MAN2A1: variants seen among roughly 807,000 people sequenced by gnomAD.
MAN2A1 encodes the protein mannosidase alpha class 2A member 1, also known as alpha-mannosidase 2.
A neutral mutation model predicts 142.6 loss-of-function variants in MAN2A1; 76 were observed. That is an observed-to-expected ratio of 0.53 (90% confidence interval 0.44 to 0.65). MAN2A1 has a LOEUF of 0.65. MAN2A1 is among the 30% of genes least tolerant of loss of function. MAN2A1 has a pLI of 0.00. For synonymous variants in MAN2A1, 559 were observed against 473.2 expected (o/e 1.18, Z -2.35); for missense variants, 1,311 against 1,365.1 (o/e 0.96, Z 0.62).
intron 1 of MAN2A1, among the ~76,000 whole-genome samples, chr5:109,711,321 A>T (rs1348195137): frequency 6.6e-6 from 1 of 152,206 alleles, no homozygotes; most frequent in Non-Finnish European, 1.5e-5. Context: ...TATTCAACAG[A>T]ATCTATCAGA....
intron 5 of MAN2A1, among the ~76,000 whole-genome samples, chr5:109,757,993 T>C (rs1752735175): frequency 6.6e-6 from 1 of 152,188 alleles, no homozygotes; most frequent in South Asian, 2.1e-4. Context: ...TGAATAATGC[T>C]GTTATACACA....
At chr5:109,704,555 T>C (rs1370928990) in intron 1 of MAN2A1, among the ~76,000 whole-genome samples, 1 of 152,088 alleles carries the variant, frequency 6.6e-6, no homozygotes, top group Non-Finnish European at 1.5e-5. Flanking sequence ...CAGTTCACAC[T>C]CTTTTTGGCC....
intron 2 of MAN2A1, among the ~76,000 whole-genome samples, chr5:109,714,050 G>C (rs909011993): frequency 4.0e-5 from 6 of 151,786 alleles, no homozygotes; most frequent in Non-Finnish European, 8.8e-5. Flanking sequence ...TGTAATAGTT[G>C]AAAACCTTTA....
chr5:109,761,654 T>A (rs192007198), intron 5 of MAN2A1, among the ~76,000 whole-genome samples: 3 of 152,232 alleles, frequency 2.0e-5, no homozygotes, highest in African/African-American at 7.2e-5. Context: ...ACTACATTTG[T>A]ATTTTTTTTA....
intron 16 of MAN2A1, among the ~76,000 whole-genome samples, chr5:109,827,183 G>A (rs78846627): frequency 0.019 from 2,828 of 152,240 alleles, 34 homozygotes; most frequent in Middle Eastern, 0.071. Context: ...AATGTTTTAT[G>A]ATTACATACT....
At chr5:109,737,380 C>G (rs528651385) in intron 4 of MAN2A1, among the ~76,000 whole-genome samples, 1 of 152,048 alleles carries the variant, frequency 6.6e-6, no homozygotes, top group South Asian at 2.1e-4. Context: ...TCCCAAAGTT[C>G]TGGGATCACA....
At chr5:109,835,605 A>T (rs958756391) in intron 16 of MAN2A1, among the ~76,000 whole-genome samples, 12 of 152,118 alleles carry the variant, frequency 7.9e-5, no homozygotes, top group Admixed American at 2.6e-4. Flanking sequence ...TCTTGATCTA[A>T]TGAGTTGTCC....
At chr5:109,828,468 A>G (rs969558997) in intron 16 of MAN2A1, among the ~76,000 whole-genome samples, 1 of 152,202 alleles carries the variant, frequency 6.6e-6, no homozygotes, top group Non-Finnish European at 1.5e-5. Context: ...CAATAATATA[A>G]TACCAATAAG....
intron 8 of MAN2A1, among the ~76,000 whole-genome samples, chr5:109,776,078 T>C (rs977386039): frequency 1.3e-5 from 2 of 151,990 alleles, no homozygotes; most frequent in African/African-American, 4.8e-5. Context: ...TCTTTTTTTT[T>C]TTTTTCTTTT....
intron 17 of MAN2A1, 29 bp downstream of exon 17, chr5:109,842,490 A>G (rs1026087040): frequency 2.1e-6 from 3 of 1,461,804 alleles, no homozygotes; most frequent in East Asian, 2.3e-5. Flanking sequence ...TGTTTAAGTA[A>G]TGGTTGTATT....
intron 4 of MAN2A1, among the ~76,000 whole-genome samples, chr5:109,735,027 C>T (rs1436051684): frequency 3.3e-5 from 5 of 152,146 alleles, no homozygotes; most frequent in African/African-American, 4.8e-5. Flanking sequence ...ATAGGTCACT[C>T]ATGACTTGCT....
intron 4 of MAN2A1, among the ~76,000 whole-genome samples, chr5:109,734,548 C>G (rs961424924): frequency 6.6e-6 from 1 of 152,100 alleles, no homozygotes; most frequent in African/African-American, 2.4e-5. Context: ...TTGAATGTGT[C>G]CCAGAGATTC....
At chr5:109,770,263 G>A (rs1015084269) in intron 6 of MAN2A1, 92 bp from the exon 7 acceptor site, 5 of 1,167,410 alleles carry the variant, frequency 4.3e-6, no homozygotes, top group South Asian at 2.8e-5. Context: ...AGCTAAATCA[G>A]CATTACTTTG....
At chr5:109,793,723 C>A (rs1452631869) in intron 12 of MAN2A1, among the ~76,000 whole-genome samples, 1 of 152,164 alleles carries the variant, frequency 6.6e-6, no homozygotes, top group Non-Finnish European at 1.5e-5. Context: ...ATCTCAGCAT[C>A]ATTGCATTCT....
At position 109,792,565 on chromosome 5, in the gene MAN2A1, T is replaced by G. The variant is rs184516123; in HGVS notation, c.1943+3038T>G. On this transcript the variant is annotated intron_variant, in intron 12 of 21. Coordinates refer to ENST00000261483, the MANE Select transcript of MAN2A1 (RefSeq NM_002372.4). Reference sequence around the variant, plus strand: ...AGGAAAGTCTGACCTGATGGTCAAATGTTTTAGTAGACTATTGCCTAACAA... The same window carrying G: ...AGGAAAGTCTGACCTGATGGTCAAAGGTTTTAGTAGACTATTGCCTAACAA... Among the ~76,000 whole-genome samples the G allele has an allele frequency of 2.0e-5, 3 of 152,274 alleles. No homozygotes were observed. In the East Asian group the frequency reaches 5.8e-4, roughly 29 times the overall value.
chr5:109,712,038 G>A (rs1466816187), intron 1 of MAN2A1, among the ~76,000 whole-genome samples: 1 of 151,384 alleles, frequency 6.6e-6, no homozygotes, highest in Non-Finnish European at 1.5e-5. Flanking sequence ...TTCACCCCTA[G>A]TGTTGTATTG....
intron 16 of MAN2A1, among the ~76,000 whole-genome samples, chr5:109,824,264 T>G (rs1235875199): frequency 2.6e-5 from 4 of 152,232 alleles, no homozygotes; most frequent in African/African-American, 9.6e-5. Context: ...TGTTCTAAGC[T>G]GGTTCTATTT....
rs191530351 is a variant in MAN2A1, at chr5:109,700,806, A to C, written c.135+10254A>C. On this transcript the variant is annotated intron_variant, in intron 1 of 21. Transcript: ENST00000261483. Reference sequence around the variant, plus strand: ...ATACCTGGGACATGCATCCTGACTTATAATTCACTGGCCTTCCACTGTACT... The same window carrying C: ...ATACCTGGGACATGCATCCTGACTTCTAATTCACTGGCCTTCCACTGTACT... Among the ~76,000 whole-genome samples the C allele has an allele frequency of 1.3e-5, 2 of 152,362 alleles. 1 individual carries two copies. Among genetic ancestry groups the C allele is most frequent in the Admixed American group, 1.3e-4 (2 of 15,308 alleles).
At position 109,794,853 on chromosome 5, in the gene MAN2A1, A is replaced by G. The variant is rs576438747; in HGVS notation, c.1943+5326A>G. On this transcript the variant is annotated intron_variant, in intron 12 of 21. Coordinates refer to ENST00000261483, the MANE Select transcript of MAN2A1 (RefSeq NM_002372.4). ...AAAAGGTATTTGTATGTTTTCACCT[A>G]TGTTCTGTCTCTGTTATGTGTTAAC... Among the ~76,000 whole-genome samples, 14 of 151,950 alleles carry G rather than the reference A, an allele frequency of 9.2e-5. No individual in the cohort carries two copies. In the South Asian group the frequency reaches 2.9e-3, roughly 32 times the overall value.
Sources: allele counts gnomAD v4.1 joint callset (sites outside exome capture counted in the v4.1 genomes callset), GRCh38; gene constraint gnomAD v4.1.1; transcripts MANE v1.5; gene names NCBI Gene and HGNC (gene_info 2026-07-23, HGNC 2026-07-21).